Variants in TNS3 observed in about 807,000 individuals in gnomAD.
TNS3 encodes the protein tensin 3, also known as tensin-3.
Under a neutral mutation model 140.9 loss-of-function variants are expected in TNS3, and 45 were observed. The observed-to-expected ratio is 0.32, with a 90% CI of 0.25 to 0.41. The LOEUF (loss-of-function observed/expected upper bound fraction) is 0.41, where lower values mean the gene tolerates loss of function less well. Ranked by LOEUF, TNS3 falls within the 10% of genes least tolerant of loss-of-function variation. The pLI, the probability that TNS3 is intolerant of heterozygous loss-of-function variation, is 1.00. For synonymous variants in TNS3, 815 were observed against 788.4 expected (o/e 1.03, Z -0.56); for missense variants, 1,716 against 1,906.7 (o/e 0.90, Z 1.86).
intron 20 of TNS3, among the ~76,000 whole-genome samples, chr7:47,341,969 C>T (rs988604783): frequency 6.6e-6 from 1 of 151,964 alleles, no homozygotes; most frequent in African/African-American, 2.4e-5. Flanking sequence ...TTCTTTGACC[C>T]ATAGATTATT....
chr7:47,427,000 C>T (rs1017113972), intron 9 of TNS3, among the ~76,000 whole-genome samples: 5 of 151,830 alleles, frequency 3.3e-5, no homozygotes, highest in East Asian at 1.9e-4. Flanking sequence ...TTGGCACACA[C>T]CTATAATCCC....
chr7:47,453,166 C>A (rs1796098048), intron 4 of TNS3: 1 of 985,618 alleles, frequency 1.0e-6, no homozygotes, highest in South Asian at 4.7e-5. Flanking sequence ...GTGTGCCCGG[C>A]CCCACGGTGA....
intron 20 of TNS3, among the ~76,000 whole-genome samples, chr7:47,328,142 G>A (rs977636185): frequency 3.3e-5 from 5 of 152,040 alleles, no homozygotes; most frequent in African/African-American, 1.2e-4. Context: ...GCAGGGCTCT[G>A]TGTTCCGGCC....
rs751349613 is a variant in TNS3, at chr7:47,369,342, T to A, written c.1304A>T (p.Glu435Val). 6.2e-7 allele frequency: 1 copy of A among 1,614,066 alleles called. No homozygotes were observed. Among genetic ancestry groups the A allele is most frequent in the African/African-American group, 1.3e-5 (1 of 74,910 alleles). ...TTCCTTGAGGGAGCTTCCAGGATCT[T>A]CCAGGCCAAAGCCACTGAGCAGCTG... ...LDQLLSGFGLEDPGSSLKEMT... is the reference protein window; with the variant it reads ...LDQLLSGFGLVDPGSSLKEMT... The change falls in exon 17 of 31, where the codon GAA becomes GTA. Residue 435 changes from glutamate to valine, a missense_variant. Coordinates refer to ENST00000311160, the MANE Select transcript of TNS3 (RefSeq NM_022748.12).
At chr7:47,511,474 A>G (rs545150243) in intron 2 of TNS3, among the ~76,000 whole-genome samples, 2 of 76,828 alleles carry the variant, frequency 2.6e-5, no homozygotes, top group African/African-American at 6.8e-5. Context: ...ATTGCTTTTA[A>G]CTGACTTAAA....
intron 16 of TNS3, among the ~76,000 whole-genome samples, chr7:47,391,126 G>A (rs1792490967): frequency 6.6e-6 from 1 of 152,178 alleles, no homozygotes; most frequent in Admixed American, 6.5e-5. Flanking sequence ...AATATGTGCT[G>A]CTCGCCTATG....
At chr7:47,304,597 G>C (rs1786632618) in intron 21 of TNS3, among the ~76,000 whole-genome samples, 1 of 151,928 alleles carries the variant, frequency 6.6e-6, no homozygotes, top group African/African-American at 2.4e-5. Flanking sequence ...GATTTTTCCT[G>C]TATTTCCTGT....
At chr7:47,550,529 G>C (rs796177195) in intron 1 of TNS3, among the ~76,000 whole-genome samples, 1 of 152,194 alleles carries the variant, frequency 6.6e-6, no homozygotes, top group South Asian at 2.1e-4. Context: ...CCAGGAGATA[G>C]AAGCACAAAG....
rs757765897 is a variant in TNS3, at chr7:47,368,398, C to CT, written c.2247dup (p.Gly750ArgfsTer16). 1 of 1,511,128 alleles carries CT rather than the reference C, an allele frequency of 6.6e-7. No homozygotes were observed. The highest frequency in any genetic ancestry group is 8.9e-7 in the Non-Finnish European group (1 of 1,127,050). 93.6% of individuals were successfully genotyped at this position (1,511,128 alleles called of 1,614,324 possible). A position where few individuals can be genotyped will look rare whatever the true frequency, so the allele number is the denominator to read the frequency against. ...CCGGTGGCCCTGCTGGGGCCCTCTC[C>CT]TGTGTCAGGCAGCCTGCTGCTTGCC... On this transcript the variant is annotated frameshift_variant, in exon 17 of 31. Coordinates refer to ENST00000311160, the MANE Select transcript of TNS3 (RefSeq NM_022748.12). LOFTEE classifies it high-confidence loss of function.
intron 4 of TNS3, among the ~76,000 whole-genome samples, chr7:47,472,913 C>T (rs370692993): frequency 1.1e-4 from 17 of 152,304 alleles, no homozygotes; most frequent in South Asian, 4.1e-4. Context: ...TCCCCAACAA[C>T]GAAGCACCCT....
At chr7:47,389,938 T>A (rs1792415052) in intron 16 of TNS3, among the ~76,000 whole-genome samples, 2 of 152,204 alleles carry the variant, frequency 1.3e-5, no homozygotes, top group South Asian at 2.1e-4. Flanking sequence ...CAGCTGCTTT[T>A]CACTGGAGCT....
intron 1 of TNS3, among the ~76,000 whole-genome samples, chr7:47,550,936 G>A (rs796483873): frequency 1.2e-4 from 19 of 152,272 alleles, no homozygotes; most frequent in African/African-American, 4.6e-4. Context: ...GAGGAGTCAT[G>A]CCACCCCAAA....
chr7:47,531,852 C>T (rs766070552), intron 1 of TNS3, among the ~76,000 whole-genome samples: 1 of 152,190 alleles, frequency 6.6e-6, no homozygotes, highest in Non-Finnish European at 1.5e-5. Flanking sequence ...AGCCTCCCTG[C>T]GCTCTTGAGT....
chr7:47,528,965 A>C, intron 2 of TNS3, 71 bp downstream of exon 2: 6 of 999,056 alleles, frequency 6.0e-6, no homozygotes, highest in Non-Finnish European at 7.9e-6. Context: ...TCCTGAAAAA[A>C]AGTTTTCGTT....
At chr7:47,518,169 C>T (rs1798840803) in intron 2 of TNS3, among the ~76,000 whole-genome samples, 1 of 152,154 alleles carries the variant, frequency 6.6e-6, no homozygotes, top group Admixed American at 6.5e-5. Flanking sequence ...AGGTGCCTCC[C>T]AAAAGGGAAG....
At chr7:47,482,153 C>T (rs1426039080) in intron 3 of TNS3, among the ~76,000 whole-genome samples, 1 of 152,210 alleles carries the variant, frequency 6.6e-6, no homozygotes, top group Admixed American at 6.5e-5. Context: ...CTGGCACCTG[C>T]CTTCTCAAAG....
At chr7:47,368,077 T>C (rs2151139885) in intron 17 of TNS3, among the ~76,000 whole-genome samples, 1 of 152,336 alleles carries the variant, frequency 6.6e-6, no homozygotes, top group Middle Eastern at 3.4e-3. Context: ...AATGGAGGCA[T>C]GACCGGCCCT....
chr7:47,319,631 G>A (rs1279621962), intron 20 of TNS3, among the ~76,000 whole-genome samples: 1 of 152,124 alleles, frequency 6.6e-6, no homozygotes, highest in African/African-American at 2.4e-5. Flanking sequence ...AACCTCCCCT[G>A]TAATCTCAGA....
At chr7:47,509,152 TATG>T (rs1229891143) in intron 2 of TNS3, among the ~76,000 whole-genome samples, 1 of 152,248 alleles carries the variant, frequency 6.6e-6, no homozygotes, top group African/African-American at 2.4e-5. Context: ...GTGGCAGTGG[TATG>T]ATACATTCAT....
Sources: gnomAD v4.1 joint callset for allele counts (sites outside exome capture counted in the v4.1 genomes callset) on GRCh38, gnomAD v4.1.1 for gene constraint, MANE v1.5 for transcripts, NCBI Gene and HGNC (gene_info 2026-07-23, HGNC 2026-07-21) for gene names.